Variants in FOCAD observed in about 807,000 individuals in gnomAD.
FOCAD encodes KIAA1797.
FOCAD carries 198 observed loss-of-function variants against 225.6 expected under a neutral mutation model. The observed-to-expected ratio is 0.88, with a 90% CI of 0.78 to 0.99. FOCAD has a LOEUF of 0.99. Ranked by LOEUF, FOCAD falls within the 50% of genes least tolerant of loss-of-function variation. The pLI, the probability that FOCAD is intolerant of heterozygous loss-of-function variation, is 0.00. For synonymous variants in FOCAD, 897 were observed against 755.0 expected, an observed-to-expected ratio of 1.19 and a Z score of -3.08; for missense variants, 2,713 against 2,123.6, an observed-to-expected ratio of 1.28 and a Z score of -5.46.
intron 13 of FOCAD, 83 bp from the exon 14 acceptor site, chr9:20,820,858 G>T: frequency 1.4e-6 from 2 of 1,452,886 alleles, no homozygotes; most frequent in Non-Finnish European, 1.9e-6. Flanking sequence ...AGGATTTGGA[G>T]GTGAAAATGC....
chr9:20,663,623 CT>C (rs1466903162), intron 2 of FOCAD, among the ~76,000 whole-genome samples: 1 of 152,112 alleles, frequency 6.6e-6, no homozygotes, highest in African/African-American at 2.4e-5. Flanking sequence ...CATGGGCCCT[CT>C]TTTCAAAGAA....
At chr9:20,830,889 G>A (rs1335416918) in intron 15 of FOCAD, among the ~76,000 whole-genome samples, 1 of 151,992 alleles carries the variant, frequency 6.6e-6, no homozygotes, top group Non-Finnish European at 1.5e-5. Context: ...TGACCAGGCT[G>A]GTTGTCTTGA....
chr9:20,969,734 C>G (rs1004480155), intron 35 of FOCAD, among the ~76,000 whole-genome samples: 2 of 139,954 alleles, frequency 1.4e-5, no homozygotes, highest in African/African-American at 5.2e-5. Context: ...AGATATATAA[C>G]AAAAATATAA....
chr9:20,995,784 T>A lies in FOCAD; in HGVS notation c.*155T>A, dbSNP rs970604287. The A allele has an allele frequency of 1.7e-6, 1 of 586,540 alleles. No homozygotes were observed. The highest frequency in any genetic ancestry group is 1.9e-5 in the African/African-American group (1 of 53,102). 36.3% of individuals were successfully genotyped at this position (586,540 alleles called of 1,614,324 possible). A position where few individuals can be genotyped will look rare whatever the true frequency, so the allele number is the denominator to read the frequency against. Reference sequence around the variant, plus strand: ...GCCACATCACTGACAGCTTGACACATGCCTCCTAAGAGAGGAGTGCATTGC... The same window carrying A: ...GCCACATCACTGACAGCTTGACACAAGCCTCCTAAGAGAGGAGTGCATTGC... On this transcript the variant is annotated 3_prime_UTR_variant, in exon 44 of 44. Transcript: ENST00000338382.
chr9:20,662,974 C>A (rs150214242), intron 2 of FOCAD, among the ~76,000 whole-genome samples: 17 of 152,226 alleles, frequency 1.1e-4, no homozygotes, highest in African/African-American at 4.1e-4. Flanking sequence ...TTCAATATAA[C>A]CTTTTAAAGT....
In FOCAD at chr9:20,789,468, G is replaced by A. The variant is rs1408395413; in HGVS notation, c.1315G>A (p.Glu439Lys). Reference sequence around the variant, plus strand: ...TGCAAGTGACTGGTTGGCTTCAGTAGAGTCATTGCTTCCTATTACTGCTGT... The same window carrying A: ...TGCAAGTGACTGGTTGGCTTCAGTAAAGTCATTGCTTCCTATTACTGCTGT... ...SAASDWLASV[E>K]SLLPITAVIP... The change falls in exon 11 of 44, where the codon GAG (glutamate) becomes AAG (lysine). Residue 439 changes from glutamate to lysine, a missense_variant. Glu to Lys is a moderately conservative substitution (Grantham distance 56). Transcript: ENST00000338382. The A allele has an allele frequency of 6.2e-7, 1 of 1,613,976 alleles. No homozygotes were observed.
In FOCAD at chr9:20,946,764, A is replaced by G. The variant is rs534687975; in HGVS notation, c.3619A>G (p.Thr1207Ala). 5 of 1,613,856 alleles carry G rather than the reference A, an allele frequency of 3.1e-6. No individual in the cohort carries two copies. The highest frequency in any genetic ancestry group is 1.3e-5 in the African/African-American group (1 of 75,014). ...GTTCAGTGCTGGAATTATTGAGGCTACAGAGGCTGAGGATGTTATGAACAA... is the reference window on the plus strand; with the variant it reads ...GTTCAGTGCTGGAATTATTGAGGCTGCAGAGGCTGAGGATGTTATGAACAA... ...SAFSAGIIEA[T>A]EAEDVMNKLR... Residue 1207 changes from threonine (T) to alanine (A), a missense_variant, in exon 30 of 44, where the codon ACA (threonine) becomes GCA (alanine). Transcript: ENST00000338382.
intron 11 of FOCAD, among the ~76,000 whole-genome samples, chr9:20,806,475 C>G (rs1421465572): frequency 2.0e-5 from 3 of 152,080 alleles, no homozygotes; most frequent in African/African-American, 7.2e-5. Context: ...CTCAAAAATT[C>G]TAGGCAGTAG....
chr9:20,939,041 T>G (rs1836340226), intron 28 of FOCAD, among the ~76,000 whole-genome samples: 1 of 150,136 alleles, frequency 6.7e-6, no homozygotes, highest in Non-Finnish European at 1.5e-5. Context: ...TCCCAGCTAC[T>G]CAGGAGGCTG....
chr9:20,660,191 A>G (rs1211996629), intron 2 of FOCAD, among the ~76,000 whole-genome samples: 1 of 152,246 alleles, frequency 6.6e-6, no homozygotes, highest in Non-Finnish European at 1.5e-5. Flanking sequence ...GCCATCAGCA[A>G]TAATAACAGC....
At chr9:20,704,748 G>C (rs1034842902) in intron 1 of FOCAD, among the ~76,000 whole-genome samples, 2 of 152,094 alleles carry the variant, frequency 1.3e-5, no homozygotes, top group Non-Finnish European at 2.9e-5. Context: ...CTCACTTTAT[G>C]ACACCCTTTA....
intron 35 of FOCAD, among the ~76,000 whole-genome samples, chr9:20,959,131 A>T (rs192535629): frequency 3.7e-4 from 56 of 152,248 alleles, no homozygotes; most frequent in Admixed American, 2.9e-3. Context: ...TATAGTGGGT[A>T]TACTAGTTTA....
chr9:20,687,680 A>G (rs1320037804), intron 1 of FOCAD, among the ~76,000 whole-genome samples: 1 of 152,238 alleles, frequency 6.6e-6, no homozygotes, highest in Non-Finnish European at 1.5e-5. Flanking sequence ...ACTCATAGTT[A>G]TTAAAGGTAT....
upstream of FOCAD, among the ~76,000 whole-genome samples, chr9:20,656,830 G>C (rs147975804): frequency 1.2e-4 from 18 of 152,200 alleles, 1 homozygote; most frequent in South Asian, 1.5e-3. Flanking sequence ...ATGATGTTAG[G>C]TGGTTATTCT....
chr9:20,972,503 A>G (rs1247506377), intron 35 of FOCAD, among the ~76,000 whole-genome samples: 1 of 148,418 alleles, frequency 6.7e-6, no homozygotes, highest in Non-Finnish European at 1.5e-5. Context: ...TTTCTATGTT[A>G]CTCCTTTTTT....
chr9:20,868,908 C>CA (rs1829521742), intron 18 of FOCAD, among the ~76,000 whole-genome samples: 2 of 152,224 alleles, frequency 1.3e-5, no homozygotes, highest in South Asian at 4.2e-4. Context: ...AAGACCACAC[C>CA]ATGCATTCTT....
chr9:20,748,583 G>A (rs1828270880), intron 5 of FOCAD, among the ~76,000 whole-genome samples: 1 of 152,134 alleles, frequency 6.6e-6, no homozygotes, highest in Admixed American at 6.6e-5. Flanking sequence ...GATGTAGTCA[G>A]ATTCACTCCT....
chr9:20,969,705 T>A (rs1839591184), intron 35 of FOCAD, among the ~76,000 whole-genome samples: 2 of 129,436 alleles, frequency 1.5e-5, no homozygotes, highest in Non-Finnish European at 1.8e-5. Flanking sequence ...AACAAAAATA[T>A]AAAAAAATAT....
At chr9:20,820,897 A>C in intron 13 of FOCAD, 44 bp from the exon 14 acceptor site, 2 of 1,598,538 alleles carry the variant, frequency 1.3e-6, no homozygotes, top group East Asian at 4.5e-5. Flanking sequence ...TGATTATTCA[A>C]CTCAAGTTGG....
Sources: allele counts gnomAD v4.1 joint callset (sites outside exome capture counted in the v4.1 genomes callset), GRCh38; gene constraint gnomAD v4.1.1; transcripts MANE v1.5; gene names NCBI Gene and HGNC (gene_info 2026-07-23, HGNC 2026-07-21).